Variants in ABCC11 observed in about 807,000 individuals in gnomAD.
ABCC11 encodes ATP-binding cassette sub-family C member 11.
A neutral mutation model predicts 149.3 loss-of-function variants in ABCC11; 135 were observed. The ratio of observed to expected loss-of-function variants is 0.90; its 90% CI spans 0.79 to 1.04. The LOEUF is 1.04. Ranked by LOEUF, ABCC11 falls within the 50% of genes least tolerant of loss-of-function variation. ABCC11 has a pLI of 0.00. For missense variants in ABCC11, 1,680 were observed against 1,722.1 expected (o/e 0.98, Z 0.43); for synonymous variants, 665 against 671.4 (o/e 0.99, Z 0.15).
chr16:48,227,690 G>T, intron 4 of ABCC11, 116 bp downstream of exon 4: 1 of 1,395,118 alleles, frequency 7.2e-7, no homozygotes. Context: ...CTTCCTACAG[G>T]AAGAGCCAAG....
intron 22 of ABCC11, 36 bp from the exon 23 acceptor site, chr16:48,184,662 T>G (rs1011624502): frequency 6.3e-7 from 1 of 1,599,446 alleles, no homozygotes; most frequent in Non-Finnish European, 8.5e-7. Context: ...ACCATGTGTT[T>G]GTCTGACCTA....
chr16:48,209,125 C>A (rs992374676), intron 11 of ABCC11, among the ~76,000 whole-genome samples: 2 of 152,114 alleles, frequency 1.3e-5, no homozygotes, highest in African/African-American at 4.8e-5. Flanking sequence ...ATGGGTCAGC[C>A]AGGGAAGGCT....
In ABCC11 at chr16:48,167,102, T is replaced by A; in HGVS notation, c.*172A>T. The A allele has an allele frequency of 1.6e-6, 1 of 612,114 alleles. No individual in the cohort carries two copies. Among genetic ancestry groups the A allele is most frequent in the East Asian group, 2.7e-5 (1 of 36,532 alleles). The allele number at this position is 612,114 out of a possible 1,614,324, so 37.9% of individuals were successfully genotyped here. ...TTCTAAGGTCTTGAGAGCCATCAAG[T>A]AGCCTATTCCAGGGTTTCCATCCAG... On this transcript the variant is annotated 3_prime_UTR_variant, in exon 30 of 30. Coordinates refer to ENST00000356608, the MANE Select transcript of ABCC11 (RefSeq NM_001370497.1).
rs536562760 is a variant in ABCC11 at position 48,187,446 on chromosome 16, C to A, written c.2707-19G>T. On this transcript the variant is annotated intron_variant, in intron 20 of 29. Coordinates refer to ENST00000356608, the MANE Select transcript of ABCC11 (RefSeq NM_001370497.1). ...GGAAAACCTGCAGGGACAAAATCAA[C>A]GCAGACCATGAGAGAAGCTGCAGGC... is the stretch of plus-strand genomic sequence containing the variant. 1.9e-5 allele frequency: 30 copies of A among 1,584,214 alleles called. No individual in the cohort carries two copies. The Admixed American group carries it at 5.2e-4, about 28-fold the overall frequency.
Position 48,165,975 on chromosome 16 carries a change from T to G in ABCC11, c.*1299A>C, listed in dbSNP as rs972052817. On this transcript the variant is annotated 3_prime_UTR_variant, in exon 30 of 30. Coordinates refer to ENST00000356608, the MANE Select transcript of ABCC11 (RefSeq NM_001370497.1). ...AGAACAAGAAAGAGAGAAAACAAAT[T>G]ATTTTATTTTCAGTTGTCATACGTT... The G allele has an allele frequency of 2.6e-5, 4 of 152,150 alleles. No homozygotes were observed. The highest frequency in any genetic ancestry group is 9.7e-5 in the African/African-American group (4 of 41,424). The allele number at this position is 152,150 out of a possible 1,614,324, so 9.4% of individuals were successfully genotyped here. A position where few individuals can be genotyped will look rare whatever the true frequency, so the allele number is the denominator to read the frequency against.
rs1970445099 is a variant in ABCC11 at position 48,231,908 on chromosome 16, C to T, written c.14G>A (p.Arg5Lys). The T allele has an allele frequency of 1.2e-6, 2 of 1,614,138 alleles. No homozygotes were observed. The highest frequency in any genetic ancestry group is 1.7e-6 in the Non-Finnish European group (2 of 1,180,020). ...AGAAGAGTTGGGCACCCAGTATGTC[C>T]TCTTCCTAGTCATTTTCAGTTCCTG... is the stretch of plus-strand genomic sequence containing the variant. Reference protein sequence around the residue: MTRKRTYWVPNSSGG... With the variant: MTRKKTYWVPNSSGG... Residue 5 changes from arginine to lysine, a missense_variant, in exon 2 of 30, where the codon AGG becomes AAG. By Grantham distance (26) the Arg-to-Lys change is conservative. Transcript: ENST00000356608.
At chr16:48,243,401 CAAAA>C (rs541776018) in intron 1 of ABCC11, among the ~76,000 whole-genome samples, 11,706 of 72,416 alleles carry the variant, frequency 0.16, 415 homozygotes, top group African/African-American at 0.2. Context: ...GACTCCGTCT[CAAAA>C]AAAAAAAAAA....
Position 48,244,331 on chromosome 16 carries a change from C to T in ABCC11, c.-19+2983G>A, listed in dbSNP as rs111517081. ...GAGGTTTGGTGACTGCGGGGCAGGC[C>T]GGGGGCAGCTGTCTGTCTGGCTCTT... On this transcript the variant is annotated intron_variant, in intron 1 of 29. Transcript: ENST00000356608. 1.8e-3 allele frequency: 2,307 copies of T among 1,301,008 alleles called. 3 individuals are homozygous for T. The highest frequency in any genetic ancestry group is 2.2e-3 in the Non-Finnish European group (2,190 of 974,082). 80.6% of individuals were successfully genotyped at this position (1,301,008 alleles called of 1,614,324 possible). A position where few individuals can be genotyped will look rare whatever the true frequency, so the allele number is the denominator to read the frequency against.
chr16:48,203,439 C>T (rs1197274534), intron 13 of ABCC11, 139 bp from the exon 14 acceptor site: 2 of 624,192 alleles, frequency 3.2e-6, no homozygotes, highest in East Asian at 3.0e-5. Flanking sequence ...ACACTGAAGG[C>T]TTTTTTCATT....
At chr16:48,208,314 C>T in intron 12 of ABCC11, 111 bp downstream of exon 12, 3 of 1,189,192 alleles carry the variant, frequency 2.5e-6, no homozygotes, top group South Asian at 2.7e-5. Flanking sequence ...ATCCCACTTG[C>T]TCAGACCCCT....
intron 26 of ABCC11, among the ~76,000 whole-genome samples, chr16:48,174,882 G>A (rs547255659): frequency 1.3e-5 from 2 of 152,188 alleles, no homozygotes; most frequent in South Asian, 2.1e-4. Context: ...TTGGAGCACA[G>A]TGGCTATTCA....
chr16:48,201,043 G>A (rs1332441018), intron 14 of ABCC11, among the ~76,000 whole-genome samples: 1 of 152,192 alleles, frequency 6.6e-6, no homozygotes, highest in East Asian at 1.9e-4. Flanking sequence ...AACGTGGTTA[G>A]TAGGGGATGA....
chr16:48,237,386 T>A (rs939291872), intron 1 of ABCC11, among the ~76,000 whole-genome samples: 15 of 152,110 alleles, frequency 9.9e-5, no homozygotes, highest in African/African-American at 3.6e-4. Context: ...CCTTCTCAAC[T>A]GTTTTTCCTT....
chr16:48,167,391 G>A (rs1371182122), intron 29 of ABCC11, 25 bp from the exon 30 acceptor site: 33 of 1,502,698 alleles, frequency 2.2e-5, no homozygotes, highest in Non-Finnish European at 3.1e-5. Flanking sequence ...AAGGCGAGGG[G>A]AGGATCAGGG....
intron 26 of ABCC11, among the ~76,000 whole-genome samples, chr16:48,173,327 T>G (rs1341304793): frequency 6.6e-6 from 1 of 152,222 alleles, no homozygotes; most frequent in African/African-American, 2.4e-5. Flanking sequence ...TTATATCTCA[T>G]GTTCGCCATT....
intron 6 of ABCC11, among the ~76,000 whole-genome samples, chr16:48,220,244 C>T (rs1217489111): frequency 6.6e-6 from 1 of 152,172 alleles, no homozygotes; most frequent in Non-Finnish European, 1.5e-5. Context: ...CAGCCAGGCA[C>T]CATGTCCAAA....
rs145295654 is a variant in ABCC11, at chr16:48,210,943, G to T, written c.1608+5C>A. 1 of 1,613,462 alleles carries T rather than the reference G, an allele frequency of 6.2e-7. No individual in the cohort carries two copies. Among genetic ancestry groups the T allele is most frequent in the South Asian group, 1.1e-5 (1 of 91,066 alleles). ...GGCCTGCCTGCGTGGCCTGAACAAG[G>T]CTACCTTGGACACCACCAGGTTGAT... On this transcript the variant is annotated splice_donor_5th_base_variant and intron_variant, in intron 11 of 29. Transcript: ENST00000356608.
At chr16:48,190,604 T>A (rs1033406970) in intron 20 of ABCC11, among the ~76,000 whole-genome samples, 1 of 152,160 alleles carries the variant, frequency 6.6e-6, no homozygotes, top group Non-Finnish European at 1.5e-5. Context: ...GCTCAAGCAA[T>A]CCACTCACCT....
At chr16:48,173,680 A>G (rs1214721644) in intron 26 of ABCC11, among the ~76,000 whole-genome samples, 2 of 152,194 alleles carry the variant, frequency 1.3e-5, no homozygotes, top group Admixed American at 1.3e-4. Flanking sequence ...GCTGGAGTGC[A>G]GTAGCACGAT....
Sources: allele counts gnomAD v4.1 joint callset (sites outside exome capture counted in the v4.1 genomes callset), GRCh38; gene constraint gnomAD v4.1.1; transcripts MANE v1.5; gene names NCBI Gene and HGNC (gene_info 2026-07-23, HGNC 2026-07-21).